CPPED1: variants seen among roughly 807,000 people sequenced by gnomAD.
The protein encoded by CPPED1 is serine/threonine-protein phosphatase CPPED1.
In CPPED1, 28 loss-of-function variants were observed where a neutral mutation model predicts 28.0. That is an observed-to-expected ratio of 1.00 (90% CI 0.74 to 1.37). The LOEUF is 1.37. Ranked by LOEUF, CPPED1 falls within the 40% of genes most tolerant of loss-of-function variation. The pLI, the probability that CPPED1 is intolerant of heterozygous loss-of-function variation, is 0.00. For synonymous variants in CPPED1, 198 were observed against 180.2 expected (o/e 1.10, Z -0.79); for missense variants, 504 against 416.5 (o/e 1.21, Z -1.83).
At chr16:12,749,222 C>T (rs530813497) in intron 2 of CPPED1, among the ~76,000 whole-genome samples, 2 of 152,314 alleles carry the variant, frequency 1.3e-5, no homozygotes, top group South Asian at 2.1e-4. Context: ...TTCCAAATTG[C>T]AGTGAATTAT....
chr16:12,676,440 C>A lies in CPPED1; in HGVS notation c.716-11325G>T, dbSNP rs377629769. ...TACGACCTGCATTTTGCACCTGCAT[C>A]ATCTCACTCAAGCCTAATGAGGACG... On this transcript the variant is annotated intron_variant, in intron 3 of 3. Coordinates refer to ENST00000381774, the MANE Select transcript of CPPED1 (RefSeq NM_018340.3). 8.4e-4 allele frequency among the ~76,000 whole-genome samples: 128 copies of A among 152,322 alleles called. 1 individual carries two copies. Among genetic ancestry groups the A allele is most frequent in the African/African-American group, 2.9e-3 (121 of 41,570 alleles).
At chr16:12,736,633 G>A (rs78978470) in intron 2 of CPPED1, among the ~76,000 whole-genome samples, 1,984 of 152,266 alleles carry the variant, frequency 0.013, 42 homozygotes, top group African/African-American at 0.045. Context: ...CAAAGAAAAG[G>A]GAGGAGGAGA....
chr16:12,717,547 A>T (rs1482745658), intron 2 of CPPED1, among the ~76,000 whole-genome samples: 1 of 152,164 alleles, frequency 6.6e-6, no homozygotes, highest in Non-Finnish European at 1.5e-5. Context: ...TACAGGCGTG[A>T]GCCACCGTGC....
intron 2 of CPPED1, among the ~76,000 whole-genome samples, chr16:12,747,432 A>AAAAAAAAT (rs2080297149): frequency 6.9e-6 from 1 of 145,050 alleles, no homozygotes; most frequent in African/African-American, 2.5e-5. Context: ...CTCTGTTTTA[A>AAAAAAAAT]AAATAAATAA....
chr16:12,721,450 A>T (rs567010076), intron 2 of CPPED1, among the ~76,000 whole-genome samples: 99 of 152,174 alleles, frequency 6.5e-4, no homozygotes, highest in African/African-American at 2.4e-3. Flanking sequence ...GTAGAGAAAA[A>T]ATACAAAAAA....
At chr16:12,703,134 T>G (rs1308711616) in intron 3 of CPPED1, among the ~76,000 whole-genome samples, 1 of 152,252 alleles carries the variant, frequency 6.6e-6, no homozygotes, top group East Asian at 1.9e-4. Context: ...CATGCCGCCT[T>G]GACGCTTTGT....
Position 12,748,705 on chromosome 16 carries a change from G to C in CPPED1, c.289+32480C>G, listed in dbSNP as rs181595734. Among the ~76,000 whole-genome samples the C allele has an allele frequency of 1.0e-3, 157 of 152,184 alleles. 1 individual carries two copies. Among genetic ancestry groups the C allele is most frequent in the South Asian group, 4.4e-3 (21 of 4,824 alleles). ...TCTAGACCAGCCTGACCAACATGGTGAAACTCTGTCTCTATTAAAAATAAA... is the reference window on the plus strand; with the variant it reads ...TCTAGACCAGCCTGACCAACATGGTCAAACTCTGTCTCTATTAAAAATAAA... On this transcript the variant is annotated intron_variant, in intron 2 of 3. Coordinates refer to ENST00000381774, the MANE Select transcript of CPPED1 (RefSeq NM_018340.3).
intron 1 of CPPED1, among the ~76,000 whole-genome samples, chr16:12,787,735 T>C (rs1004868198): frequency 1.3e-5 from 2 of 152,176 alleles, no homozygotes; most frequent in Admixed American, 1.3e-4. Flanking sequence ...CGTTAATTTT[T>C]TGACAGATTC....
intron 2 of CPPED1, among the ~76,000 whole-genome samples, chr16:12,708,607 C>T (rs9972703): frequency 0.8 from 121,892 of 152,186 alleles, 49,245 homozygotes; most frequent in African/African-American, 0.91. Flanking sequence ...AGTTAAGAAT[C>T]TGGAAATAAA....
In CPPED1 at chr16:12,660,627, A is replaced by T. The variant is rs2079788871; in HGVS notation, c.*4259T>A. On this transcript the variant is annotated 3_prime_UTR_variant, in exon 4 of 4. Coordinates refer to ENST00000381774, the MANE Select transcript of CPPED1 (RefSeq NM_018340.3). ...TATTACCTGTCAAGTACTATGTTAC[A>T]TGTGCAATCAAAACTGTTGAGGTTA... 1 of 152,156 alleles carries T rather than the reference A, an allele frequency of 6.6e-6. No individual in the cohort carries two copies. Among genetic ancestry groups the T allele is most frequent in the Non-Finnish European group, 1.5e-5 (1 of 68,018 alleles). 9.4% of individuals were successfully genotyped at this position (152,156 alleles called of 1,614,324 possible). A position where few individuals can be genotyped will look rare whatever the true frequency, so the allele number is the denominator to read the frequency against.
chr16:12,692,301 G>T (rs1355566639), intron 3 of CPPED1, among the ~76,000 whole-genome samples: 1 of 152,216 alleles, frequency 6.6e-6, no homozygotes, highest in African/African-American at 2.4e-5. Flanking sequence ...AACAAACACT[G>T]CCAGGAAGAC....
chr16:12,750,938 A>G (rs561808178), intron 2 of CPPED1, among the ~76,000 whole-genome samples: 1 of 152,292 alleles, frequency 6.6e-6, no homozygotes, highest in African/African-American at 2.4e-5. Flanking sequence ...ACTGCACTCC[A>G]GCCTGGGTGA....
intron 2 of CPPED1, among the ~76,000 whole-genome samples, chr16:12,715,457 C>T (rs979467906): frequency 2.0e-5 from 3 of 151,890 alleles, no homozygotes; most frequent in African/African-American, 4.8e-5. Context: ...GTCAAGAGTT[C>T]GAGACTAGCC....
intron 2 of CPPED1, among the ~76,000 whole-genome samples, chr16:12,761,635 G>C (rs924873455): frequency 3.3e-5 from 5 of 152,092 alleles, no homozygotes; most frequent in African/African-American, 1.2e-4. Flanking sequence ...AAAAGCTATG[G>C]ATACCAGCAA....
intron 2 of CPPED1, among the ~76,000 whole-genome samples, chr16:12,774,629 G>A (rs923778676): frequency 5.9e-5 from 9 of 152,152 alleles, no homozygotes; most frequent in Non-Finnish European, 1.0e-4. Flanking sequence ...AAATATTTGT[G>A]TCCTCCAAAA....
intron 2 of CPPED1, among the ~76,000 whole-genome samples, chr16:12,751,711 C>G (rs1481364351): frequency 1.3e-5 from 2 of 152,330 alleles, no homozygotes; most frequent in African/African-American, 4.8e-5. Context: ...TTATCCCTAA[C>G]TAAAACTGGC....
At chr16:12,797,939 C>T (rs1023971454) in intron 1 of CPPED1, among the ~76,000 whole-genome samples, 1 of 151,720 alleles carries the variant, frequency 6.6e-6, no homozygotes, top group African/African-American at 2.4e-5. Flanking sequence ...AAAAATTAGC[C>T]AGGCATGGTG....
At chr16:12,669,063 A>G (rs1247055933) in intron 3 of CPPED1, among the ~76,000 whole-genome samples, 1 of 152,240 alleles carries the variant, frequency 6.6e-6, no homozygotes, top group Non-Finnish European at 1.5e-5. Context: ...AAGAGCCTAA[A>G]ATACGGAAGC....
At chr16:12,746,373 C>A (rs1033351714) in intron 2 of CPPED1, among the ~76,000 whole-genome samples, 420 of 105,198 alleles carry the variant, frequency 4.0e-3, no homozygotes, top group African/African-American at 4.6e-3. Context: ...GACTCTGACT[C>A]AAAAAAAAAA....
Sources: allele counts gnomAD v4.1 joint callset (sites outside exome capture counted in the v4.1 genomes callset), GRCh38; gene constraint gnomAD v4.1.1; transcripts MANE v1.5; gene names NCBI Gene and HGNC (gene_info 2026-07-23, HGNC 2026-07-21).